FTH1: variants seen among roughly 807,000 people sequenced by gnomAD.
FTH1 encodes ferritin heavy chain.
Under a neutral mutation model 21.8 loss-of-function variants are expected in FTH1, and 3 were observed. The observed-to-expected ratio is 0.14, with a 90% CI of 0.06 to 0.36. The LOEUF is 0.36. Among genes scored for constraint, FTH1 ranks in the 10% least tolerant of loss-of-function variants. FTH1 has a pLI of 1.00. For synonymous variants in FTH1, 83 were observed against 90.1 expected (o/e 0.92, Z 0.45); for missense variants, 147 against 225.8 (o/e 0.65, Z 2.24).
chr11:61,966,459 A>G (rs1185160161), intron 1 of FTH1, among the ~76,000 whole-genome samples: 1 of 152,240 alleles, frequency 6.6e-6, no homozygotes, highest in Non-Finnish European at 1.5e-5. Flanking sequence ...TTTCAAATCC[A>G]TTTGGAACAC....
At position 61,967,461 on chromosome 11, in the gene FTH1, G is replaced by A; in HGVS notation, c.-36C>T. 1 of 1,432,288 alleles carries A rather than the reference G, an allele frequency of 7.0e-7. No individual in the cohort carries two copies. The highest frequency in any genetic ancestry group is 1.2e-5 in the South Asian group (1 of 85,534). 88.7% of individuals were successfully genotyped at this position (1,432,288 alleles called of 1,614,324 possible). On this transcript the variant is annotated 5_prime_UTR_variant, in exon 1 of 4. Transcript: ENST00000273550. ...AAGGAGAGGCGGCGGCGGCGGCGGT[G>A]GCTGCGCGGCGCTGGAGCGGCGGCG... is the stretch of plus-strand genomic sequence containing the variant.
At position 61,964,696 on chromosome 11, in the gene FTH1, C is replaced by A. The variant is rs774342743; in HGVS notation, c.*31G>T. On this transcript the variant is annotated 3_prime_UTR_variant, in exon 4 of 4. Coordinates refer to ENST00000273550, the MANE Select transcript of FTH1 (RefSeq NM_002032.3). Reference sequence around the variant, plus strand: ...ACTGCCTTGGTGACCAGGGAAGTCACCCCACGGCTATGGGGAAATTAGCCC... The same window carrying A: ...ACTGCCTTGGTGACCAGGGAAGTCAACCCACGGCTATGGGGAAATTAGCCC... 7.1e-5 allele frequency: 113 copies of A among 1,597,280 alleles called. No individual in the cohort carries two copies. The highest frequency in any genetic ancestry group is 9.2e-5 in the Non-Finnish European group (109 of 1,179,608).
rs775188176 is a variant in FTH1, at chr11:61,964,743, C to T, written c.536G>A (p.Ser179Asn). The T allele has an allele frequency of 9.4e-6, 15 of 1,598,730 alleles. No individual in the cohort carries two copies. The highest frequency in any genetic ancestry group is 1.3e-5 in the Non-Finnish European group (15 of 1,179,888). Reference protein sequence around the residue: ...YLFDKHTLGDSDNES With the variant: ...YLFDKHTLGDNDNES ...GCCCGAGGCTTAGCTTTCATTATCA[C>T]TGTCTCCCAGGGTGTGCTTGTCAAA... Residue 179 changes from serine to asparagine, a missense_variant, in exon 4 of 4, where the codon AGT becomes AAT. Physicochemically the swap from Ser to Asn is conservative, Grantham distance 46. Coordinates refer to ENST00000273550, the MANE Select transcript of FTH1 (RefSeq NM_002032.3).
chr11:61,967,241 C>T, intron 1 of FTH1, 71 bp downstream of exon 1: 3 of 962,086 alleles, frequency 3.1e-6, no homozygotes, highest in African/African-American at 1.8e-5. Flanking sequence ...GCCACACCCC[C>T]GGCCCGCCCC....
rs1468812876 is a variant in FTH1, at chr11:61,966,888, CCA to C, written c.114+422_114+423del. The stretch of plus-strand genomic sequence containing the variant: ...TCGACACCGTTACCCAGCAGCTCCG[CCA>C]CACACAGGCGGACGGGAGCTGGATA... On this transcript the variant is annotated intron_variant, in intron 1 of 3. Coordinates refer to ENST00000273550, the MANE Select transcript of FTH1 (RefSeq NM_002032.3). 8 of 159,322 alleles carry C rather than the reference CCA, an allele frequency of 5.0e-5. No homozygotes were observed. In the Admixed American group the frequency reaches 5.2e-4, roughly 10 times the overall value. The allele number at this position is 159,322 out of a possible 1,614,324, so 9.9% of individuals were successfully genotyped here. A position where few individuals can be genotyped will look rare whatever the true frequency, so the allele number is the denominator to read the frequency against.
At chr11:61,967,154 G>T in intron 1 of FTH1, 158 bp downstream of exon 1, 1 of 446,940 alleles carries the variant, frequency 2.2e-6, no homozygotes. Flanking sequence ...GACTTTCTGC[G>T]CCAGAGAAGT....
At chr11:61,967,256 C>G (rs1014053969) in intron 1 of FTH1, 56 bp downstream of exon 1, 117 of 1,174,538 alleles carry the variant, frequency 1.0e-4, no homozygotes, top group Middle Eastern at 5.7e-4. Context: ...CGCCCCAGCG[C>G]GCGCCCCGGG....
At position 61,967,624 on chromosome 11, in the gene FTH1, G is replaced by C; in HGVS notation, c.-199C>G. The C allele has an allele frequency of 1.5e-6, 1 of 660,158 alleles. No individual in the cohort carries two copies. Among genetic ancestry groups the C allele is most frequent in the Non-Finnish European group, 2.8e-6 (1 of 359,216 alleles). The allele number at this position is 660,158 out of a possible 1,614,324, so 40.9% of individuals were successfully genotyped here. A position where few individuals can be genotyped will look rare whatever the true frequency, so the allele number is the denominator to read the frequency against. On this transcript the variant is annotated 5_prime_UTR_variant, in exon 1 of 4. Coordinates refer to ENST00000273550, the MANE Select transcript of FTH1 (RefSeq NM_002032.3). ...GGAAACCCCGACGACTCTCGGCGAA[G>C]AACGTCTGGCCCTGCGGGTCGCTTG...
rs1942430389 is a variant in FTH1 at position 61,965,414 on chromosome 11, C to T, written c.216G>A (p.Lys72=). ...TTCGGCCACCTCGTTGGTTCTGCAG[C>T]TTCATCAGTTTCTCAGCATGTTCCC... ...EEREHAEKLM[K]LQNQRGGRIF... The change falls in exon 2 of 4, where the codon AAG becomes AAA. Residue 72 remains lysine, a synonymous_variant. Coordinates refer to ENST00000273550, the MANE Select transcript of FTH1 (RefSeq NM_002032.3). The T allele has an allele frequency of 6.2e-7, 1 of 1,613,640 alleles. No homozygotes were observed.
rs1370878359 is a variant in FTH1 at position 61,965,107 on chromosome 11, T to C, written c.267A>G (p.Pro89=). The part of the protein sequence containing the change: ...GRIFLQDIKK[P]DCDDWESGLN... ...GCCCGCTCTCCCAGTCATCACAGTC[T>C]GGTTTCTGAATGAGAATAGGTTAAT... Residue 89 remains proline (P), a synonymous_variant, in exon 3 of 4, where the codon CCA becomes CCG. Transcript: ENST00000273550. The C allele has an allele frequency of 6.2e-7, 1 of 1,604,738 alleles. No individual in the cohort carries two copies. The highest frequency in any genetic ancestry group is 1.7e-5 in the Admixed American group (1 of 60,022).
chr11:61,966,155 T>C (rs1942455425), intron 1 of FTH1, among the ~76,000 whole-genome samples: 1 of 152,020 alleles, frequency 6.6e-6, no homozygotes, highest in Admixed American at 6.6e-5. Context: ...GCGCCTGTAA[T>C]TCCAGCTACT....
In FTH1 at chr11:61,964,998, T is replaced by G. The variant is rs572350864; in HGVS notation, c.376A>C (p.Asn126His). 1.7e-5 allele frequency: 28 copies of G among 1,614,136 alleles called. 1 individual carries two copies. The South Asian group carries it at 2.9e-4, about 16-fold the overall frequency. Residue 126 changes from asparagine (N) to histidine (H), a missense_variant, in exon 3 of 4, where the codon AAT (asparagine) becomes CAT (histidine). Transcript: ENST00000273550. ...GTTCCAATACTCACATGGGGGTCATTTTTGTCAGTGGCCAGTTTGTGCAGT... is the reference window on the plus strand; with the variant it reads ...GTTCCAATACTCACATGGGGGTCATGTTTGTCAGTGGCCAGTTTGTGCAGT... ...LELHKLATDK[N>H]DPHLCDFIET...
At chr11:61,967,066 A>T in intron 1 of FTH1, 1 of 314,966 alleles carries the variant, frequency 3.2e-6, no homozygotes, top group South Asian at 8.3e-5. Context: ...GTCTCCTTAA[A>T]AAAGAAGGGT....
Position 61,967,374 on chromosome 11 carries a change from C to T in FTH1, c.52G>A (p.Glu18Lys). The T allele has an allele frequency of 6.2e-7, 1 of 1,607,406 alleles. No homozygotes were observed. The highest frequency in any genetic ancestry group is 8.5e-7 in the Non-Finnish European group (1 of 1,177,276). Reference protein sequence around the residue: ...QVRQNYHQDSEAAINRQINLE... With the variant: ...QVRQNYHQDSKAAINRQINLE... ...TTGATCTGGCGGTTGATGGCGGCCT[C>T]TGAGTCCTGGTGGTAGTTCTGGCGC... is the stretch of plus-strand genomic sequence containing the variant. Residue 18 changes from glutamate (E) to lysine (K), a missense_variant, in exon 1 of 4, where the codon GAG (glutamate) becomes AAG (lysine). Physicochemically the swap from Glu to Lys is moderately conservative, Grantham distance 56. Coordinates refer to ENST00000273550, the MANE Select transcript of FTH1 (RefSeq NM_002032.3).
Position 61,965,102 on chromosome 11 carries a change from C to G in FTH1, c.272G>C (p.Cys91Ser), listed in dbSNP as rs371448455. 7 of 1,605,092 alleles carry G rather than the reference C, an allele frequency of 4.4e-6. No individual in the cohort carries two copies. Among genetic ancestry groups the G allele is most frequent in the African/African-American group, 4.0e-5 (3 of 74,922 alleles). The change falls in exon 3 of 4, where the codon TGT (cysteine) becomes TCT (serine). Residue 91 changes from cysteine (C) to serine (S), a missense_variant. Transcript: ENST00000273550. Reference sequence around the variant, plus strand: ...ATTCAGCCCGCTCTCCCAGTCATCACAGTCTGGTTTCTGAATGAGAATAGG... The same window carrying G: ...ATTCAGCCCGCTCTCCCAGTCATCAGAGTCTGGTTTCTGAATGAGAATAGG... ...IFLQDIKKPD[C>S]DDWESGLNAM...
At chr11:61,967,160 G>C in intron 1 of FTH1, 152 bp downstream of exon 1, 3 of 453,698 alleles carry the variant, frequency 6.6e-6, no homozygotes, top group Non-Finnish European at 1.2e-5. Flanking sequence ...CTGCGCCAGA[G>C]AAGTCCTCGG....
Position 61,964,428 on chromosome 11 carries a change from A to G in FTH1, c.*299T>C, listed in dbSNP as rs781003636. On this transcript the variant is annotated 3_prime_UTR_variant, in exon 4 of 4. Transcript: ENST00000273550. Reference sequence around the variant, plus strand: ...ACAGCCACACCTTAGTATACTGCCCAAACTAATGAGTTTAATAAATACAAA... The same window carrying G: ...ACAGCCACACCTTAGTATACTGCCCGAACTAATGAGTTTAATAAATACAAA... 1 of 619,032 alleles carries G rather than the reference A, an allele frequency of 1.6e-6. No individual in the cohort carries two copies. The highest frequency in any genetic ancestry group is 2.8e-6 in the Non-Finnish European group (1 of 357,802). 38.3% of individuals were successfully genotyped at this position (619,032 alleles called of 1,614,324 possible).
In FTH1 at chr11:61,967,609, A is replaced by C; in HGVS notation, c.-184T>G. ...AGCACTGTTGAAGCAGGAAACCCCG[A>C]CGACTCTCGGCGAAGAACGTCTGGC... is the stretch of plus-strand genomic sequence containing the variant. On this transcript the variant is annotated 5_prime_UTR_variant, in exon 1 of 4. Transcript: ENST00000273550. 1 of 668,598 alleles carries C rather than the reference A, an allele frequency of 1.5e-6. No homozygotes were observed. Among genetic ancestry groups the C allele is most frequent in the Non-Finnish European group, 2.7e-6 (1 of 364,794 alleles). 41.4% of individuals were successfully genotyped at this position (668,598 alleles called of 1,614,324 possible).
chr11:61,967,225 C>T (rs1591322794), intron 1 of FTH1, 87 bp downstream of exon 1: 1 of 648,978 alleles, frequency 1.5e-6, no homozygotes, highest in Non-Finnish European at 2.4e-6. Context: ...GGAGAGCCCG[C>T]GGGTGGCCAC....
Sources: allele counts gnomAD v4.1 joint callset (sites outside exome capture counted in the v4.1 genomes callset), GRCh38; gene constraint gnomAD v4.1.1; transcripts MANE v1.5; gene names NCBI Gene and HGNC (gene_info 2026-07-23, HGNC 2026-07-21).